The following CBFA2T3 variants were observed in gnomAD, a reference collection of about 807,000 sequenced individuals.
The protein encoded by CBFA2T3 is transcriptional corepressor CBFA2T3.
A neutral mutation model predicts 58.6 loss-of-function variants in CBFA2T3; 31 were observed. The observed-to-expected ratio is 0.53, with a 90% CI of 0.40 to 0.71. CBFA2T3 has a LOEUF of 0.71. Ranked by LOEUF, CBFA2T3 falls within the 30% of genes least tolerant of loss-of-function variation. The probability of loss-of-function intolerance (pLI) is 0.00; values close to 1 mark genes in which losing one functional copy is unlikely to be tolerated. For synonymous variants in CBFA2T3, 531 were observed against 421.9 expected, an observed-to-expected ratio of 1.26 and a Z score of -3.17; for missense variants, 1,076 against 963.1, an observed-to-expected ratio of 1.12 and a Z score of -1.55.
chr16:88,900,017 G>A (rs1267166380), intron 2 of CBFA2T3, among the ~76,000 whole-genome samples: 2 of 152,216 alleles, frequency 1.3e-5, no homozygotes, highest in Non-Finnish European at 2.9e-5. Flanking sequence ...CGTGTGACAA[G>A]GACATGTGAG....
At chr16:88,895,935 C>T (rs1216747027) in intron 3 of CBFA2T3, among the ~76,000 whole-genome samples, 1 of 152,194 alleles carries the variant, frequency 6.6e-6, no homozygotes, top group African/African-American at 2.4e-5. Flanking sequence ...TCCTGGAGTT[C>T]CAAGTGGGGC....
chr16:88,911,245 T>G (rs1217008442), intron 1 of CBFA2T3, among the ~76,000 whole-genome samples: 1 of 152,096 alleles, frequency 6.6e-6, no homozygotes, highest in Non-Finnish European at 1.5e-5. Context: ...GGCCTGTGGG[T>G]GATGACGATG....
chr16:88,916,779 C>T (rs1014109552), intron 1 of CBFA2T3, among the ~76,000 whole-genome samples: 1 of 152,154 alleles, frequency 6.6e-6, no homozygotes, highest in African/African-American at 2.4e-5. Flanking sequence ...CTCCTTGCTA[C>T]AGCCCCTGGG....
At chr16:88,931,355 G>C (rs915398856) in intron 1 of CBFA2T3, among the ~76,000 whole-genome samples, 2 of 152,116 alleles carry the variant, frequency 1.3e-5, no homozygotes, top group African/African-American at 4.8e-5. Flanking sequence ...GGAGCTGAGC[G>C]ACCTTCTTGC....
intron 8 of CBFA2T3, among the ~76,000 whole-genome samples, chr16:88,882,460 TGTGTGCGTGGGG>T (rs1969138272): frequency 6.7e-6 from 1 of 149,696 alleles, no homozygotes; most frequent in Non-Finnish European, 1.5e-5. Context: ...TGGGCGTGGC[TGTGTGCGTGGGG>T]GTGGCTGTGT....
In CBFA2T3 at chr16:88,885,328, G is replaced by A. The variant is rs541558294; in HGVS notation, c.894-59C>T. ...GACATAGGATGAACCGGGGACAGAG[G>A]TGCAGGTGGGGTGAGAGGCAGACAG... On this transcript the variant is annotated intron_variant, in intron 6 of 11. Coordinates refer to ENST00000268679, the MANE Select transcript of CBFA2T3 (RefSeq NM_005187.6). This position sits in a 1 kb window ranked among gnomAD's most constrained non-coding sequence, Gnocchi z 5.3. The A allele has an allele frequency of 4.0e-6, 5 of 1,249,700 alleles. No homozygotes were observed. The highest frequency in any genetic ancestry group is 3.1e-5 in the South Asian group (2 of 64,704). 77.4% of individuals were successfully genotyped at this position (1,249,700 alleles called of 1,614,324 possible).
intron 1 of CBFA2T3, among the ~76,000 whole-genome samples, chr16:88,910,347 G>A (rs1323151845): frequency 1.3e-5 from 2 of 152,164 alleles, no homozygotes; most frequent in Non-Finnish European, 2.9e-5. Context: ...GAGCCCACCC[G>A]CCTGTCCTGC....
intron 1 of CBFA2T3, among the ~76,000 whole-genome samples, chr16:88,954,666 C>G (rs71372783): frequency 1.2e-4 from 5 of 40,294 alleles, no homozygotes; most frequent in Admixed American, 8.7e-4. Context: ...CCTGACCCTA[C>G]CCAAGGCTCC....
Position 88,875,348 on chromosome 16 carries a change from G to T in CBFA2T3, c.*1628C>A. 4.9e-6 allele frequency: 1 copy of T among 205,216 alleles called. No individual in the cohort carries two copies. The highest frequency in any genetic ancestry group is 8.0e-5 in the East Asian group (1 of 12,526). The allele number at this position is 205,216 out of a possible 1,614,324, so 12.7% of individuals were successfully genotyped here. On this transcript the variant is annotated 3_prime_UTR_variant, in exon 12 of 12. Coordinates refer to ENST00000268679, the MANE Select transcript of CBFA2T3 (RefSeq NM_005187.6). ...GAGGAGTGGAGGGAGGGTGGGCAGG[G>T]CTGGAGGATGGGAGGGAGCACGTCT...
At chr16:88,893,206 C>A (rs937262623) in intron 3 of CBFA2T3, among the ~76,000 whole-genome samples, 6 of 150,014 alleles carry the variant, frequency 4.0e-5, no homozygotes. Flanking sequence ...TGCCTCCCAG[C>A]CCTGAGCAAT....
chr16:88,920,717 C>T (rs796643454), intron 1 of CBFA2T3, among the ~76,000 whole-genome samples: 66 of 152,342 alleles, frequency 4.3e-4, no homozygotes, highest in African/African-American at 1.5e-3. Context: ...CCTCTGCCTC[C>T]CCGTGGGGCA....
rs756989229 is a variant in CBFA2T3, at chr16:88,879,250, G to T, written c.1662+20C>A. 1.6e-5 allele frequency: 25 copies of T among 1,573,874 alleles called. No individual in the cohort carries two copies. Among genetic ancestry groups the T allele is most frequent in the Non-Finnish European group, 2.1e-5 (24 of 1,158,056 alleles). On this transcript the variant is annotated intron_variant, in intron 11 of 11. Transcript: ENST00000268679. ...GAGCCGAGGCAGGGGATGGGTGTCAGCGTGGCCGGGTGGCCCTACCTCGCT... is the reference window on the plus strand; with the variant it reads ...GAGCCGAGGCAGGGGATGGGTGTCATCGTGGCCGGGTGGCCCTACCTCGCT...
intron 1 of CBFA2T3, among the ~76,000 whole-genome samples, chr16:88,935,506 T>C (rs1484506580): frequency 2.0e-5 from 3 of 152,218 alleles, no homozygotes; most frequent in Non-Finnish European, 2.9e-5. Context: ...GTTTCCCCTC[T>C]GTAAATGGGT....
At chr16:88,888,249 T>C (rs906379659) in intron 5 of CBFA2T3, among the ~76,000 whole-genome samples, 3 of 150,952 alleles carry the variant, frequency 2.0e-5, no homozygotes, top group Admixed American at 1.3e-4. Context: ...GGATGATGTC[T>C]TCAAGGACTG....
At chr16:88,971,597 G>A (rs1972657325) in intron 1 of CBFA2T3, among the ~76,000 whole-genome samples, 1 of 152,228 alleles carries the variant, frequency 6.6e-6, no homozygotes, top group Non-Finnish European at 1.5e-5. Context: ...GGGGTTTTGT[G>A]CTGAGAACTT....
intron 1 of CBFA2T3, among the ~76,000 whole-genome samples, chr16:88,961,497 G>A (rs372764174): frequency 6.8e-6 from 1 of 146,420 alleles, no homozygotes; most frequent in Admixed American, 6.8e-5. Context: ...CATAGTAACC[G>A]ACCCTCAGCG....
At chr16:88,930,523 C>T (rs1971257679) in intron 1 of CBFA2T3, among the ~76,000 whole-genome samples, 1 of 151,850 alleles carries the variant, frequency 6.6e-6, no homozygotes, top group South Asian at 2.1e-4. Flanking sequence ...GGGAAGGAGG[C>T]TCCCCACTAG....
At chr16:88,926,282 C>T (rs776043524) in intron 1 of CBFA2T3, among the ~76,000 whole-genome samples, 7 of 152,192 alleles carry the variant, frequency 4.6e-5, no homozygotes, top group Admixed American at 6.5e-5. Context: ...AGTTCCAGCA[C>T]CTAAAAGGTG....
At chr16:88,893,591 G>A (rs1041340182) in intron 3 of CBFA2T3, among the ~76,000 whole-genome samples, 15 of 152,146 alleles carry the variant, frequency 9.9e-5, no homozygotes, top group African/African-American at 3.1e-4. Flanking sequence ...GCAGATGCCC[G>A]TGCACACAGG....
Sources: gnomAD v4.1 joint callset for allele counts (sites outside exome capture counted in the v4.1 genomes callset) on GRCh38, gnomAD v4.1.1 for gene constraint, Gnocchi (gnomAD v3.1) non-coding constraint, MANE v1.5 for transcripts, NCBI Gene and HGNC (gene_info 2026-07-23, HGNC 2026-07-21) for gene names.